VPS26A: variants seen among roughly 807,000 people sequenced by gnomAD.
VPS26A encodes the protein VPS26 retromer complex component A, also known as vacuolar protein sorting-associated protein 26A.
A neutral mutation model predicts 42.4 loss-of-function variants in VPS26A; 22 were observed. That is an observed-to-expected ratio of 0.52 (90% CI 0.37 to 0.74). The LOEUF (loss-of-function observed/expected upper bound fraction) is 0.74. Ranked by LOEUF, VPS26A falls within the 30% of genes least tolerant of loss-of-function variation. The pLI is 0.00. For synonymous variants in VPS26A, 110 were observed against 123.5 expected, an observed-to-expected ratio of 0.89 and a Z score of 0.73; for missense variants, 276 against 379.2, an observed-to-expected ratio of 0.73 and a Z score of 2.26.
intron 1 of VPS26A, 47 bp from the exon 2 acceptor site, chr10:69,132,851 G>A: frequency 6.6e-7 from 1 of 1,522,120 alleles, no homozygotes; most frequent in South Asian, 1.3e-5. Context: ...ATAAAATGTA[G>A]TGACTGACTA....
At position 69,166,907 on chromosome 10, in the gene VPS26A, A is replaced by G. The variant is rs112077975; in HGVS notation, c.727+797A>G. Among the ~76,000 whole-genome samples, 59 of 147,186 alleles carry G rather than the reference A, an allele frequency of 4.0e-4. 3 individuals carry two copies. Among genetic ancestry groups the G allele is most frequent in the African/African-American group, 1.4e-3 (55 of 39,586 alleles). ...TTTGGGAGGCTGAGGTGGGCAGATC[A>G]CTTGAGGTCAGGAGTTCAAGACCAG... On this transcript the variant is annotated intron_variant, in intron 7 of 8. Coordinates refer to ENST00000263559, the MANE Select transcript of VPS26A (RefSeq NM_004896.5).
In VPS26A at chr10:69,171,177, GCTC is replaced by G; in HGVS notation, c.895_897del (p.Pro299del). The G allele has an allele frequency of 1.9e-6, 3 of 1,611,658 alleles. No homozygotes were observed. The South Asian group carries it at 3.3e-5, about 18-fold the overall frequency. On this transcript the variant is annotated inframe_deletion, in exon 9 of 9. Coordinates refer to ENST00000263559, the MANE Select transcript of VPS26A (RefSeq NM_004896.5). ...CTAGGAGATAATTTTATGGAGAAAA[GCTC>G]CTGAAAAACTGAGGAAACAGAGAAC...
At chr10:69,170,653 G>C (rs1454985054) in intron 8 of VPS26A, among the ~76,000 whole-genome samples, 1 of 152,140 alleles carries the variant, frequency 6.6e-6, no homozygotes, top group African/African-American at 2.4e-5. Flanking sequence ...AATAATGTTG[G>C]TAAATTGGAT....
At chr10:69,131,657 CG>C (rs1564672834) in intron 1 of VPS26A, among the ~76,000 whole-genome samples, 1 of 151,712 alleles carries the variant, frequency 6.6e-6, no homozygotes. Context: ...GGTGTGAACC[CG>C]GGAGGCGGAG....
intron 2 of VPS26A, among the ~76,000 whole-genome samples, chr10:69,136,604 T>C (rs1202398674): frequency 6.6e-6 from 1 of 151,910 alleles, no homozygotes; most frequent in Non-Finnish European, 1.5e-5. Context: ...ACTCAGTACC[T>C]AGATTGATTT....
At chr10:69,164,359 AGG>A (rs1443350407) in intron 6 of VPS26A, among the ~76,000 whole-genome samples, 5 of 152,048 alleles carry the variant, frequency 3.3e-5, no homozygotes, top group South Asian at 2.1e-4. Context: ...CTGGGGCCAC[AGG>A]CACATGCCAC....
rs897533030 is a variant in VPS26A, at chr10:69,133,171, G to A, written c.153+124G>A. On this transcript the variant is annotated intron_variant, in intron 2 of 8. Transcript: ENST00000263559. Reference sequence around the variant, plus strand: ...GGAGAGAGATTTTTTTTTCCCTAAAGTTCAGCTAAAATATTTGATTGATTA... The same window carrying A: ...GGAGAGAGATTTTTTTTTCCCTAAAATTCAGCTAAAATATTTGATTGATTA... 1.1e-5 allele frequency: 11 copies of A among 986,848 alleles called. No homozygotes were observed. In the African/African-American group the frequency reaches 1.5e-4, roughly 14 times the overall value. The allele number at this position is 986,848 out of a possible 1,614,324, so 61.1% of individuals were successfully genotyped here. A position where few individuals can be genotyped will look rare whatever the true frequency, so the allele number is the denominator to read the frequency against.
At chr10:69,160,776 A>C (rs1021962339) in intron 5 of VPS26A, among the ~76,000 whole-genome samples, 1 of 152,152 alleles carries the variant, frequency 6.6e-6, no homozygotes, top group African/African-American at 2.4e-5. Context: ...CTTGAGATAC[A>C]ATTTTGAGAG....
chr10:69,132,431 G>T lies in VPS26A; in HGVS notation c.4-467G>T, dbSNP rs1309481104. On this transcript the variant is annotated intron_variant, in intron 1 of 8. Transcript: ENST00000263559. ...ACTTAAGTTGTTCAGTTTTGATGTA[G>T]TTTTTTTTTTTTTCTTTCTTTCTTT... Among the ~76,000 whole-genome samples, 6 of 141,288 alleles carry T rather than the reference G, an allele frequency of 4.2e-5. 1 individual carries two copies. Among genetic ancestry groups the T allele is most frequent in the Non-Finnish European group, 1.5e-5 (1 of 66,038 alleles). 92.7% of individuals were successfully genotyped at this position (141,288 alleles called of 152,430 possible). A position where few individuals can be genotyped will look rare whatever the true frequency, so the allele number is the denominator to read the frequency against.
chr10:69,128,117 CTG>C (rs1193903671), intron 1 of VPS26A, among the ~76,000 whole-genome samples: 1 of 151,776 alleles, frequency 6.6e-6, no homozygotes, highest in East Asian at 1.9e-4. Context: ...TGTCAAAACA[CTG>C]TTTATCATTA....
intron 6 of VPS26A, 89 bp downstream of exon 6, chr10:69,162,601 T>C: frequency 2.5e-6 from 2 of 806,358 alleles, no homozygotes; most frequent in Non-Finnish European, 3.8e-6. Context: ...TAATTTGATA[T>C]CCACATTGAG....
intron 2 of VPS26A, among the ~76,000 whole-genome samples, chr10:69,150,902 CTTGCAAGTTTT>C (rs144316148): frequency 0.041 from 6,276 of 152,012 alleles, 451 homozygotes; most frequent in African/African-American, 0.14. Context: ...TTGTGCTATT[CTTGCAAGTTTT>C]TTGCAAGTTT....
At chr10:69,124,484 A>G (rs976774033) in intron 1 of VPS26A, among the ~76,000 whole-genome samples, 13 of 151,944 alleles carry the variant, frequency 8.6e-5, no homozygotes, top group African/African-American at 3.1e-4. Flanking sequence ...CCGAGCACCT[A>G]CGGGCGGCGG....
intron 2 of VPS26A, among the ~76,000 whole-genome samples, chr10:69,144,434 C>T (rs1169804316): frequency 1.3e-5 from 2 of 152,174 alleles, no homozygotes; most frequent in African/African-American, 2.4e-5. Context: ...GGCACCTGCG[C>T]TACCACCACC....
At chr10:69,129,618 G>T (rs544934440) in intron 1 of VPS26A, among the ~76,000 whole-genome samples, 243 of 152,010 alleles carry the variant, frequency 1.6e-3, no homozygotes, top group Non-Finnish European at 2.9e-3. Flanking sequence ...CGCGATCTCG[G>T]CTCACTGCAA....
In VPS26A at chr10:69,168,475, TC is replaced by T. The variant is rs1841742403; in HGVS notation, c.728-12del. On this transcript the variant is annotated splice_polypyrimidine_tract_variant and intron_variant, in intron 7 of 8. Transcript: ENST00000263559. ...ATCATCTTTAGAATTAAGTAGAAAT[TC>T]CTTTTCTTTCAGGTGAATCAATTCC... is the stretch of plus-strand genomic sequence containing the variant. 1.2e-6 allele frequency: 2 copies of T among 1,608,306 alleles called. No homozygotes were observed. Among genetic ancestry groups the T allele is most frequent in the African/African-American group, 1.3e-5 (1 of 74,484 alleles).
At chr10:69,156,412 T>C (rs1026007541) in intron 3 of VPS26A, among the ~76,000 whole-genome samples, 3 of 152,120 alleles carry the variant, frequency 2.0e-5, no homozygotes, top group Non-Finnish European at 2.9e-5. Context: ...TATAAATCTT[T>C]CTATACTGAA....
intron 2 of VPS26A, among the ~76,000 whole-genome samples, chr10:69,145,331 G>A (rs1179162157): frequency 2.0e-5 from 3 of 152,092 alleles, no homozygotes; most frequent in African/African-American, 2.4e-5. Flanking sequence ...CACCACACCC[G>A]GCCTAAATTT....
At chr10:69,162,656 GT>G (rs1399053611) in intron 6 of VPS26A, 144 bp downstream of exon 6, 2 of 467,860 alleles carry the variant, frequency 4.3e-6, no homozygotes, top group Non-Finnish European at 7.3e-6. Context: ...GTTATTTAAT[GT>G]TTTTTTAAAT....
Sources: allele counts gnomAD v4.1 joint callset (sites outside exome capture counted in the v4.1 genomes callset), GRCh38; gene constraint gnomAD v4.1.1; transcripts MANE v1.5; gene names NCBI Gene and HGNC (gene_info 2026-07-23, HGNC 2026-07-21).